Variants in CPD observed in about 807,000 individuals in gnomAD.
The protein encoded by CPD is metallocarboxypeptidase D.
A neutral mutation model predicts 138.3 loss-of-function variants in CPD; 69 were observed. That is an observed-to-expected ratio of 0.50 (90% CI 0.41 to 0.61). The LOEUF is 0.61. Ranked by LOEUF, CPD falls within the 20% of genes least tolerant of loss-of-function variation. The pLI is 0.00. For missense variants in CPD, 1,432 were observed against 1,733.3 expected, an observed-to-expected ratio of 0.83 and a Z score of 3.09; for synonymous variants, 651 against 642.1, an observed-to-expected ratio of 1.01 and a Z score of -0.21.
chr17:30,459,990 T>A (rs1005746268), intron 17 of CPD, among the ~76,000 whole-genome samples: 1 of 152,194 alleles, frequency 6.6e-6, no homozygotes, highest in African/African-American at 2.4e-5. Context: ...TAGTGATAAA[T>A]AAAATATACT....
chr17:30,381,277 C>T (rs931315850), intron 1 of CPD, among the ~76,000 whole-genome samples: 3 of 152,072 alleles, frequency 2.0e-5, no homozygotes, highest in East Asian at 1.9e-4. Context: ...ACAAATGCAC[C>T]GTTTGCATTG....
intron 15 of CPD, 71 bp from the exon 16 acceptor site, chr17:30,456,185 C>T (rs531185269): frequency 8.6e-6 from 10 of 1,160,230 alleles, no homozygotes; most frequent in Non-Finnish European, 1.3e-5. Context: ...GACTTGTATC[C>T]ATGAAGGTTA....
chr17:30,389,234 G>A (rs1243037251), intron 2 of CPD, among the ~76,000 whole-genome samples: 1 of 152,164 alleles, frequency 6.6e-6, no homozygotes, highest in Non-Finnish European at 1.5e-5. Context: ...GCCTGCTGCT[G>A]CTATCACTTT....
At chr17:30,449,804 T>A in intron 13 of CPD, 56 bp downstream of exon 13, 1 of 1,443,662 alleles carries the variant, frequency 6.9e-7, no homozygotes, top group South Asian at 1.4e-5. Context: ...AACATTAATA[T>A]CAGGGCACCA....
In CPD at chr17:30,379,066, C is replaced by A; in HGVS notation, c.86C>A (p.Ala29Asp). Reference sequence around the variant, plus strand: ...TGCCTGCTGCTGCTGGGGAGCTCGGCCCGGGCGGCTCACATCAAGAAGGCG... The same window carrying A: ...TGCCTGCTGCTGCTGGGGAGCTCGGACCGGGCGGCTCACATCAAGAAGGCG... The part of the protein sequence containing the change: ...LMCLLLLGSS[A>D]RAAHIKKAEA... Residue 29 changes from alanine (A) to aspartate (D), a missense_variant, in exon 1 of 21, where the codon GCC becomes GAC. Transcript: ENST00000225719. The surrounding 1 kb of genome is among the most constrained non-coding windows in gnomAD (Gnocchi z 7.0). 1 of 1,560,984 alleles carries A rather than the reference C, an allele frequency of 6.4e-7. No homozygotes were observed. The highest frequency in any genetic ancestry group is 2.5e-5 in the East Asian group (1 of 40,012).
rs187592255 is a variant in CPD at position 30,396,290 on chromosome 17, A to G, written c.994+11054A>G. Among the ~76,000 whole-genome samples, 48 of 152,292 alleles carry G rather than the reference A, an allele frequency of 3.2e-4. 1 individual carries two copies. The highest frequency in any genetic ancestry group is 1.0e-3 in the African/African-American group (42 of 41,580). Reference sequence around the variant, plus strand: ...TTAAAATGCTTTTCCTATTTAAAAAAACACATTGTAGTTTCCTTGTAAAAG... The same window carrying G: ...TTAAAATGCTTTTCCTATTTAAAAAGACACATTGTAGTTTCCTTGTAAAAG... On this transcript the variant is annotated intron_variant, in intron 2 of 20. Coordinates refer to ENST00000225719, the MANE Select transcript of CPD (RefSeq NM_001304.5).
rs148102054 is a variant in CPD at position 30,464,644 on chromosome 17, A to G, written c.3973A>G (p.Ile1325Val). 10 of 1,613,932 alleles carry G rather than the reference A, an allele frequency of 6.2e-6. No individual in the cohort carries two copies. Among genetic ancestry groups the G allele is most frequent in the African/African-American group, 4.0e-5 (3 of 75,004 alleles). Residue 1325 changes from isoleucine to valine, a missense_variant, in exon 21 of 21, where the codon ATC (isoleucine) becomes GTC (valine). By Grantham distance (29) the Ile-to-Val change is conservative (BLOSUM62 3). Coordinates refer to ENST00000225719, the MANE Select transcript of CPD (RefSeq NM_001304.5). The part of the protein sequence containing the change: ...TACIIWCICS[I>V]KSNRHKDGFH... ...TTGCATTATTTGGTGCATCTGCTCAATCAAGTCTAATAGACACAAGGATGG... is the reference window on the plus strand; with the variant it reads ...TTGCATTATTTGGTGCATCTGCTCAGTCAAGTCTAATAGACACAAGGATGG...
At position 30,431,871 on chromosome 17, in the gene CPD, C is replaced by G. The variant is rs199780759; in HGVS notation, c.2117C>G (p.Ser706Cys). Residue 706 changes from serine (S) to cysteine (C), a missense_variant, in exon 8 of 21, where the codon TCT becomes TGT. By Grantham distance (112) the Ser-to-Cys change is moderately radical. Around this residue, in one of 6 missense-constraint regions of CPD, gnomAD observed 297 missense variants for 405.3 expected, o/e 0.73. Transcript: ENST00000225719. ...DDAVFQQIALSYSKENSQMFQ... is the reference protein window; with the variant it reads ...DDAVFQQIALCYSKENSQMFQ... Reference sequence around the variant, plus strand: ...GCTGTGTTCCAACAAATAGCACTTTCTTATTCCAAGGTAGGCTTGTCTTTG... The same window carrying G: ...GCTGTGTTCCAACAAATAGCACTTTGTTATTCCAAGGTAGGCTTGTCTTTG... 30 of 1,592,536 alleles carry G rather than the reference C, an allele frequency of 1.9e-5. No homozygotes were observed. Among genetic ancestry groups the G allele is most frequent in the African/African-American group, 6.7e-5 (5 of 74,370 alleles).
Position 30,379,464 on chromosome 17 carries a change from C to A in CPD, c.484C>A (p.Arg162Ser). 6.4e-7 allele frequency: 1 copy of A among 1,572,584 alleles called. No individual in the cohort carries two copies. The highest frequency in any genetic ancestry group is 1.8e-5 in the Admixed American group (1 of 56,678). Residue 162 changes from arginine (R) to serine (S), a missense_variant, in exon 1 of 21, where the codon CGC becomes AGC. Physicochemically the swap from Arg to Ser is moderately radical, Grantham distance 110. Transcript: ENST00000225719. This position sits in a 1 kb window ranked among gnomAD's most constrained non-coding sequence, Gnocchi z 7.0. Reference sequence around the variant, plus strand: ...CCGCGAGCTGGCGGCCGGCTACCGCCGCGGGGACCCGCGCCTGGTCCGCCT... The same window carrying A: ...CCGCGAGCTGGCGGCCGGCTACCGCAGCGGGGACCCGCGCCTGGTCCGCCT... ...LARELAAGYR[R>S]GDPRLVRLLN...
intron 20 of CPD, among the ~76,000 whole-genome samples, chr17:30,462,958 C>A (rs1913530685): frequency 6.6e-6 from 1 of 152,236 alleles, no homozygotes; most frequent in Non-Finnish European, 1.5e-5. Flanking sequence ...ATCACTCATG[C>A]TATTGTTTGT....
chr17:30,381,208 A>G (rs963914390), intron 1 of CPD, among the ~76,000 whole-genome samples: 2 of 152,160 alleles, frequency 1.3e-5, no homozygotes, highest in Non-Finnish European at 2.9e-5. Flanking sequence ...AAGAAATATG[A>G]CTTTGACATA....
chr17:30,452,004 G>T (rs1249278274), intron 14 of CPD, among the ~76,000 whole-genome samples, 158 bp downstream of exon 14: 3 of 152,174 alleles, frequency 2.0e-5, no homozygotes, highest in Non-Finnish European at 4.4e-5. Flanking sequence ...AAAAGTTTTT[G>T]AATTTTTCTC....
chr17:30,464,541 T>A (rs749393985), intron 20 of CPD, 47 bp from the exon 21 acceptor site: 4 of 1,494,564 alleles, frequency 2.7e-6, no homozygotes, highest in Non-Finnish European at 2.8e-6. Flanking sequence ...TGCTTATTAA[T>A]ATCCTTAAAG....
intron 2 of CPD, among the ~76,000 whole-genome samples, chr17:30,385,549 G>T (rs1403257874): frequency 5.5e-5 from 8 of 145,314 alleles, no homozygotes. Context: ...CAATTTTTTT[G>T]CCAAACCATC....
intron 2 of CPD, among the ~76,000 whole-genome samples, chr17:30,386,854 T>C (rs900505739): frequency 2.0e-5 from 3 of 152,226 alleles, no homozygotes; most frequent in African/African-American, 7.2e-5. Flanking sequence ...TGTTTATCCA[T>C]CTATTGATGA....
At chr17:30,446,509 A>G (rs533347546) in intron 12 of CPD, among the ~76,000 whole-genome samples, 3 of 152,048 alleles carry the variant, frequency 2.0e-5, no homozygotes, top group African/African-American at 7.2e-5. Context: ...ATGAACTCAT[A>G]ATTTTTTATG....
chr17:30,423,098 A>C, intron 5 of CPD, 75 bp downstream of exon 5: 2 of 1,159,360 alleles, frequency 1.7e-6, no homozygotes, highest in Non-Finnish European at 2.4e-6. Context: ...TGTTTCATTC[A>C]GAAAGGTCGC....
Position 30,465,000 on chromosome 17 carries a change from T to TA in CPD, c.*189dup, listed in dbSNP as rs1203467625. 10 of 569,078 alleles carry TA rather than the reference T, an allele frequency of 1.8e-5. No homozygotes were observed. Among genetic ancestry groups the TA allele is most frequent in the Middle Eastern group, 4.4e-4 (1 of 2,268 alleles). The allele number at this position is 569,078 out of a possible 1,614,324, so 35.3% of individuals were successfully genotyped here. A position where few individuals can be genotyped will look rare whatever the true frequency, so the allele number is the denominator to read the frequency against. ...TGAACTTCCCTTCCTTAAAGTACTC[T>TA]AAACCTTTAAAAAAAAATCTGATTT... On this transcript the variant is annotated 3_prime_UTR_variant, in exon 21 of 21. Coordinates refer to ENST00000225719, the MANE Select transcript of CPD (RefSeq NM_001304.5).
chr17:30,456,555 G>T (rs1483416860), intron 17 of CPD, 29 bp downstream of exon 17: 4 of 1,605,582 alleles, frequency 2.5e-6, no homozygotes, highest in Non-Finnish European at 2.6e-6. Flanking sequence ...GGTTAGAATG[G>T]AGTTATGGCC....
Sources: gnomAD v4.1 joint callset for allele counts (sites outside exome capture counted in the v4.1 genomes callset) on GRCh38, gnomAD v4.1.1 for gene constraint, gnomAD v4.1.1 regional missense constraint, Gnocchi (gnomAD v3.1) non-coding constraint, MANE v1.5 for transcripts, NCBI Gene and HGNC (gene_info 2026-07-23, HGNC 2026-07-21) for gene names.